The following OPA1 variants were observed in gnomAD, a reference collection of about 807,000 sequenced individuals.
OPA1 encodes the protein dynamin-like GTPase OPA1, mitochondrial.
In OPA1, 59 loss-of-function variants were observed where a neutral mutation model predicts 152.9. The observed-to-expected ratio is 0.39, with a 90% CI of 0.31 to 0.48. The LOEUF is 0.48. Among genes scored for constraint, OPA1 ranks in the 20% least tolerant of loss-of-function variants. The probability of loss-of-function intolerance (pLI) is 0.96; values close to 1 mark genes in which losing one functional copy is unlikely to be tolerated. For missense variants in OPA1, 1,008 were observed against 1,216.8 expected (o/e 0.83, Z 2.55); for synonymous variants, 400 against 389.9 (o/e 1.03, Z -0.31).
At chr3:193,599,833 A>C (rs1726189353) in intron 1 of OPA1, among the ~76,000 whole-genome samples, 1 of 152,242 alleles carries the variant, frequency 6.6e-6, no homozygotes, top group Admixed American at 6.5e-5. Context: ...AGATTCAGAG[A>C]GACTCCAGGG....
At chr3:193,647,993 A>G (rs982741168) in intron 19 of OPA1, 77 bp from the exon 20 acceptor site, 26 of 963,934 alleles carry the variant, frequency 2.7e-5, no homozygotes, top group African/African-American at 4.8e-5. Flanking sequence ...TACAGAGGAT[A>G]TGTATTTTAA....
chr3:193,654,084 G>A (rs965003263), intron 21 of OPA1, among the ~76,000 whole-genome samples: 1 of 152,158 alleles, frequency 6.6e-6, no homozygotes, highest in Non-Finnish European at 1.5e-5. Flanking sequence ...AGACTTGTAC[G>A]TGAATTCTCA....
intron 18 of OPA1, among the ~76,000 whole-genome samples, chr3:193,646,154 G>A (rs1305569177): frequency 3.3e-5 from 5 of 152,154 alleles, no homozygotes; most frequent in Admixed American, 2.6e-4. Flanking sequence ...GGGGAAGATT[G>A]GAGTGGGGTT....
At chr3:193,622,314 T>C (rs1730270518) in intron 6 of OPA1, among the ~76,000 whole-genome samples, 1 of 141,088 alleles carries the variant, frequency 7.1e-6, no homozygotes, top group Non-Finnish European at 1.5e-5. Context: ...CTGCAACCTC[T>C]GCCTCCCGGG....
At chr3:193,644,723 G>C (rs1257183007) in intron 16 of OPA1, among the ~76,000 whole-genome samples, 1 of 152,114 alleles carries the variant, frequency 6.6e-6, no homozygotes, top group Non-Finnish European at 1.5e-5. Flanking sequence ...GAGAAGTGAG[G>C]TAGAAACAAA....
chr3:193,676,719 GC>G (rs1275583609), intron 29 of OPA1, among the ~76,000 whole-genome samples: 1 of 152,074 alleles, frequency 6.6e-6, no homozygotes, highest in Non-Finnish European at 1.5e-5. Context: ...GGTGGCTCAC[GC>G]CTGTAATCCC....
At position 193,595,728 on chromosome 3, in the gene OPA1, A is replaced by G. The variant is rs772147582; in HGVS notation, c.32+2319A>G. On this transcript the variant is annotated intron_variant, in intron 1 of 30. Coordinates refer to ENST00000361510, the MANE Select transcript of OPA1 (RefSeq NM_130837.3). ...GCTACTCATTTGACTTGGCACACTC[A>G]GTGGGCCTTTCCCTTTATCTTTCTT... Among the ~76,000 whole-genome samples, 11 of 152,140 alleles carry G rather than the reference A, an allele frequency of 7.2e-5. No homozygotes were observed. In the East Asian group the frequency reaches 1.7e-3, roughly 24 times the overall value.
At chr3:193,600,191 T>G (rs1726252733) in intron 1 of OPA1, among the ~76,000 whole-genome samples, 1 of 152,214 alleles carries the variant, frequency 6.6e-6, no homozygotes, top group Non-Finnish European at 1.5e-5. Context: ...GCCCCTCAAT[T>G]TAGAGAGATT....
chr3:193,642,296 G>A (rs1733898917), intron 11 of OPA1, among the ~76,000 whole-genome samples: 2 of 152,138 alleles, frequency 1.3e-5, no homozygotes, highest in South Asian at 4.2e-4. Flanking sequence ...CTAAAACTGG[G>A]ACAGTCAGCT....
At chr3:193,687,911 A>C (rs1235262791) in intron 29 of OPA1, among the ~76,000 whole-genome samples, 1 of 152,206 alleles carries the variant, frequency 6.6e-6, no homozygotes, top group East Asian at 1.9e-4. Context: ...AATAAGGTGC[A>C]ACCATTAAGA....
chr3:193,688,757 G>A (rs1386873954), intron 29 of OPA1, among the ~76,000 whole-genome samples: 3 of 152,046 alleles, frequency 2.0e-5, no homozygotes, highest in African/African-American at 7.2e-5. Context: ...GAGTGGGGAG[G>A]ATTGCTTGAG....
chr3:193,606,698 G>T (rs2108820643), intron 1 of OPA1, among the ~76,000 whole-genome samples: 1 of 152,228 alleles, frequency 6.6e-6, no homozygotes, highest in African/African-American at 2.4e-5. Flanking sequence ...CCAAGTCTTT[G>T]CTATTGTGAA....
chr3:193,656,825 A>G (rs992426785), intron 22 of OPA1, among the ~76,000 whole-genome samples: 2 of 152,176 alleles, frequency 1.3e-5, no homozygotes, highest in African/African-American at 2.4e-5. Context: ...AAATATTAGC[A>G]TGCAATTTTA....
chr3:193,652,986 T>A (rs79335114), intron 21 of OPA1, among the ~76,000 whole-genome samples: 2,181 of 152,236 alleles, frequency 0.014, 51 homozygotes, highest in African/African-American at 0.048. Context: ...CTATGTCTCT[T>A]CTGAAGCAGG....
At chr3:193,621,166 C>G (rs1297471412) in intron 6 of OPA1, among the ~76,000 whole-genome samples, 1 of 152,214 alleles carries the variant, frequency 6.6e-6, no homozygotes, top group Admixed American at 6.5e-5. Flanking sequence ...GCATGTGAAT[C>G]AGCTTTTTAA....
intron 16 of OPA1, 44 bp downstream of exon 16, chr3:193,644,149 G>A: frequency 6.2e-7 from 1 of 1,607,418 alleles, no homozygotes; most frequent in Non-Finnish European, 8.5e-7. Flanking sequence ...CTTTGTAAAA[G>A]CTCCAGCTGT....
intron 23 of OPA1, among the ~76,000 whole-genome samples, chr3:193,658,008 G>A (rs574753042): frequency 1.1e-4 from 16 of 152,300 alleles, no homozygotes; most frequent in South Asian, 1.0e-3. Flanking sequence ...CACTTTGGGA[G>A]GCCGAGGTGG....
intron 5 of OPA1, chr3:193,618,664 C>T (rs886884265): frequency 3.8e-5 from 21 of 546,580 alleles, no homozygotes; most frequent in African/African-American, 1.5e-4. Context: ...ACATATGCTG[C>T]GATTGCTATA....
At chr3:193,676,099 A>G (rs924939411) in intron 29 of OPA1, among the ~76,000 whole-genome samples, 8 of 152,334 alleles carry the variant, frequency 5.3e-5, no homozygotes, top group Non-Finnish European at 2.9e-5. Context: ...TCCTAATGCC[A>G]GTCTACCCAG....
Sources: gnomAD v4.1 joint callset for allele counts (sites outside exome capture counted in the v4.1 genomes callset) on GRCh38, gnomAD v4.1.1 for gene constraint, MANE v1.5 for transcripts, NCBI Gene and HGNC (gene_info 2026-07-23, HGNC 2026-07-21) for gene names.